MTUS2: variants seen among roughly 807,000 people sequenced by gnomAD.
The protein encoded by MTUS2 is microtubule-associated tumor suppressor candidate 2.
A neutral mutation model predicts 114.1 loss-of-function variants in MTUS2; 40 were observed. That is an observed-to-expected ratio of 0.35 (90% CI 0.27 to 0.46). The LOEUF is 0.46. Ranked by LOEUF, MTUS2 falls within the 20% of genes least tolerant of loss-of-function variation. The pLI is 1.00. For synonymous variants in MTUS2, 688 were observed against 672.0 expected (o/e 1.02, Z -0.37); for missense variants, 1,679 against 1,705.4 (o/e 0.98, Z 0.27).
chr13:28,833,866 G>A (rs879651719), intron 1 of MTUS2, among the ~76,000 whole-genome samples: 4 of 152,028 alleles, frequency 2.6e-5, no homozygotes, highest in Non-Finnish European at 2.9e-5. Context: ...ATTAATAAAA[G>A]TCAATTGTAT....
chr13:29,074,263 G>T (rs1215522165), intron 4 of MTUS2, among the ~76,000 whole-genome samples: 1 of 152,132 alleles, frequency 6.6e-6, no homozygotes, highest in Non-Finnish European at 1.5e-5. Flanking sequence ...AACTTGACTA[G>T]CTCCTTTTTA....
chr13:29,302,462 A>C (rs913814923), intron 6 of MTUS2, among the ~76,000 whole-genome samples: 4 of 152,176 alleles, frequency 2.6e-5, no homozygotes, highest in Non-Finnish European at 4.4e-5. Context: ...CAGTCCCAGG[A>C]GTGTCACATA....
rs117408124 is a variant in MTUS2 at position 29,443,215 on chromosome 13, G to A, written c.3184+3166G>A. On this transcript the variant is annotated intron_variant, in intron 9 of 15. Coordinates refer to ENST00000612955, the MANE Select transcript of MTUS2 (RefSeq NM_001033602.4). ...GGTGACTCTCATAACTATCCGGTGT[G>A]TAGCACCTTGAAACCAAAGATAAAA... Among the ~76,000 whole-genome samples the A allele has an allele frequency of 6.1e-3, 930 of 152,290 alleles. 4 individuals are homozygous for A. The highest frequency in any genetic ancestry group is 9.9e-3 in the Non-Finnish European group (673 of 68,018).
intron 5 of MTUS2, among the ~76,000 whole-genome samples, chr13:29,228,133 C>T (rs1896183645): frequency 6.6e-6 from 1 of 152,056 alleles, no homozygotes; most frequent in Non-Finnish European, 1.5e-5. Flanking sequence ...ATATTTATGA[C>T]CACATGTCAT....
chr13:29,159,211 A>G (rs912742866), intron 5 of MTUS2, among the ~76,000 whole-genome samples: 8 of 152,244 alleles, frequency 5.3e-5, no homozygotes, highest in African/African-American at 1.9e-4. Flanking sequence ...AGATCTATAA[A>G]TATAAACTTT....
chr13:29,333,025 C>T (rs901078974), intron 7 of MTUS2, among the ~76,000 whole-genome samples: 1 of 152,144 alleles, frequency 6.6e-6, no homozygotes, highest in African/African-American at 2.4e-5. Flanking sequence ...AAATTTCCCT[C>T]TAAACACTGC....
intron 6 of MTUS2, among the ~76,000 whole-genome samples, chr13:29,292,693 G>A (rs1300673451): frequency 6.6e-6 from 1 of 152,040 alleles, no homozygotes; most frequent in Non-Finnish European, 1.5e-5. Flanking sequence ...TCTATTATTT[G>A]TTTAATTGTT....
At chr13:29,031,270 G>GTGT (rs1555287201) in intron 3 of MTUS2, among the ~76,000 whole-genome samples, 5 of 22,440 alleles carry the variant, frequency 2.2e-4, no homozygotes, top group Non-Finnish European at 5.1e-4. Flanking sequence ...GTGTGTGTGT[G>GTGT]GTGTGTGTTC....
At chr13:29,120,519 G>A (rs970656246) in intron 5 of MTUS2, among the ~76,000 whole-genome samples, 4 of 151,996 alleles carry the variant, frequency 2.6e-5, no homozygotes, top group African/African-American at 9.7e-5. Context: ...TGGGATTACT[G>A]GAGACTTTAA....
chr13:29,338,674 GT>G (rs1901215942), intron 7 of MTUS2, among the ~76,000 whole-genome samples: 1 of 152,150 alleles, frequency 6.6e-6, no homozygotes, highest in African/African-American at 2.4e-5. Context: ...ACTTGAGTTA[GT>G]TTTTGTATAT....
At chr13:29,080,774 A>C (rs1425674496) in intron 4 of MTUS2, among the ~76,000 whole-genome samples, 1 of 152,062 alleles carries the variant, frequency 6.6e-6, no homozygotes. Flanking sequence ...CACCCTGGCT[A>C]GAATGCAATG....
intron 2 of MTUS2, among the ~76,000 whole-genome samples, chr13:29,022,051 G>T (rs74358462): frequency 7.2e-5 from 11 of 152,228 alleles, no homozygotes; most frequent in African/African-American, 2.6e-4. Context: ...AAATGCAAGC[G>T]CACATGCACA....
intron 5 of MTUS2, among the ~76,000 whole-genome samples, chr13:29,107,599 C>A (rs145144774): frequency 2.6e-5 from 4 of 151,948 alleles, no homozygotes; most frequent in Admixed American, 6.6e-5. Context: ...AGTAGAAAAC[C>A]CTTTGAACTC....
chr13:29,226,112 C>T (rs1222623170), intron 5 of MTUS2, among the ~76,000 whole-genome samples: 1 of 152,148 alleles, frequency 6.6e-6, no homozygotes, highest in East Asian at 1.9e-4. Flanking sequence ...TTCCACCCAA[C>T]CTTAAACCAT....
intron 5 of MTUS2, among the ~76,000 whole-genome samples, chr13:29,269,884 G>A (rs1435863341): frequency 6.6e-6 from 1 of 152,202 alleles, no homozygotes; most frequent in Non-Finnish European, 1.5e-5. Flanking sequence ...TGAAAAAGAA[G>A]AGAAATCTGC....
rs533792276 is a variant in MTUS2, at chr13:28,996,903, G to A, written c.-242-27554G>A. ...GATTTTTGTGTCTCTATTTCCTTCAGTTCTGCTCTGATCTTAGTTATTTCT... is the reference window on the plus strand; with the variant it reads ...GATTTTTGTGTCTCTATTTCCTTCAATTCTGCTCTGATCTTAGTTATTTCT... On this transcript the variant is annotated intron_variant, in intron 2 of 15. Transcript: ENST00000612955. Among the ~76,000 whole-genome samples, 27 of 152,182 alleles carry A rather than the reference G, an allele frequency of 1.8e-4. No individual in the cohort carries two copies. In the South Asian group the frequency reaches 5.4e-3, roughly 30 times the overall value.
intron 6 of MTUS2, chr13:29,307,814 G>A (rs1406455009): frequency 3.5e-6 from 3 of 847,684 alleles, no homozygotes; most frequent in African/African-American, 1.6e-5. Context: ...CCCAGTGAGA[G>A]CACAAGAGGA....
chr13:29,369,414 C>G (rs1421616161), intron 8 of MTUS2, among the ~76,000 whole-genome samples: 1 of 152,162 alleles, frequency 6.6e-6, no homozygotes, highest in Non-Finnish European at 1.5e-5. Flanking sequence ...AAATGCCGCT[C>G]TCCTCCCTTT....
chr13:28,850,424 T>A (rs1333633837), intron 2 of MTUS2, among the ~76,000 whole-genome samples: 2 of 152,178 alleles, frequency 1.3e-5, no homozygotes, highest in Non-Finnish European at 2.9e-5. Flanking sequence ...CTTGGCTAAT[T>A]GGCCAGCGAC....
Sources: gnomAD v4.1 joint callset for allele counts (sites outside exome capture counted in the v4.1 genomes callset) on GRCh38, gnomAD v4.1.1 for gene constraint, MANE v1.5 for transcripts, NCBI Gene and HGNC (gene_info 2026-07-23, HGNC 2026-07-21) for gene names.